Variants in PCDH9 observed in about 807,000 individuals in gnomAD.
The protein encoded by PCDH9 is protocadherin-9.
A neutral mutation model predicts 70.6 loss-of-function variants in PCDH9; 24 were observed. The observed-to-expected ratio is 0.34, with a 90% CI of 0.25 to 0.48. PCDH9 has a LOEUF of 0.48. Ranked by LOEUF, PCDH9 falls within the 20% of genes least tolerant of loss-of-function variation. PCDH9 has a pLI of 0.99. For missense variants in PCDH9, 1,281 were observed against 1,503.6 expected, an observed-to-expected ratio of 0.85 and a Z score of 2.45; for synonymous variants, 562 against 558.5, an observed-to-expected ratio of 1.01 and a Z score of -0.09.
At chr13:66,663,166 G>A (rs1030604620) in intron 3 of PCDH9, among the ~76,000 whole-genome samples, 7 of 151,994 alleles carry the variant, frequency 4.6e-5, no homozygotes, top group African/African-American at 1.7e-4. Context: ...TAATGATACT[G>A]GCTTATGATA....
chr13:66,717,724 G>A (rs1459500918), intron 3 of PCDH9, among the ~76,000 whole-genome samples: 7 of 151,622 alleles, frequency 4.6e-5, no homozygotes, highest in Non-Finnish European at 1.5e-5. Context: ...TTGTTCTTTA[G>A]TGTGATATTT....
chr13:66,836,427 G>A (rs1455554301), intron 3 of PCDH9, among the ~76,000 whole-genome samples: 1 of 151,906 alleles, frequency 6.6e-6, no homozygotes. Context: ...TGTTTGAAAT[G>A]TCTTGCTGAT....
At chr13:66,787,081 AG>A (rs1197256754) in intron 3 of PCDH9, among the ~76,000 whole-genome samples, 2 of 152,276 alleles carry the variant, frequency 1.3e-5, no homozygotes, top group Non-Finnish European at 2.9e-5. Flanking sequence ...TGAATAATTT[AG>A]GTGGGAAGTA....
At chr13:67,214,287 A>G (rs1042061450) in intron 2 of PCDH9, 1 of 152,226 alleles carries the variant, frequency 6.6e-6, no homozygotes, top group African/African-American at 2.4e-5. Flanking sequence ...TGATCCATAT[A>G]CTTTGAGGCA....
intron 4 of PCDH9, among the ~76,000 whole-genome samples, chr13:66,384,126 A>T (rs1956889935): frequency 6.6e-6 from 1 of 152,134 alleles, no homozygotes; most frequent in Non-Finnish European, 1.5e-5. Flanking sequence ...GGACATTATA[A>T]ATAGTTGATC....
chr13:66,845,375 G>A (rs1193462044), intron 3 of PCDH9, among the ~76,000 whole-genome samples: 1 of 152,194 alleles, frequency 6.6e-6, no homozygotes, highest in African/African-American at 2.4e-5. Flanking sequence ...TTGTGACAGC[G>A]CCCTGGATCA....
At chr13:66,947,054 T>C (rs1174190252) in intron 2 of PCDH9, among the ~76,000 whole-genome samples, 1 of 152,156 alleles carries the variant, frequency 6.6e-6, no homozygotes, top group Non-Finnish European at 1.5e-5. Flanking sequence ...CTTTAGTGCA[T>C]AAGATTCAGG....
At chr13:66,886,533 G>C (rs2082007111) in intron 3 of PCDH9, among the ~76,000 whole-genome samples, 2 of 152,134 alleles carry the variant, frequency 1.3e-5, no homozygotes, top group South Asian at 2.1e-4. Flanking sequence ...CCACAGCTGA[G>C]TGATTCTCTG....
At chr13:66,490,738 C>T (rs1485583137) in intron 4 of PCDH9, among the ~76,000 whole-genome samples, 1 of 151,628 alleles carries the variant, frequency 6.6e-6, no homozygotes, top group African/African-American at 2.4e-5. Flanking sequence ...AATCAAAGCA[C>T]ATAAAATTCA....
intron 2 of PCDH9, among the ~76,000 whole-genome samples, chr13:67,067,777 G>A (rs567689905): frequency 3.0e-5 from 4 of 131,746 alleles, no homozygotes; most frequent in African/African-American, 8.4e-5. Flanking sequence ...GGGGAATAGC[G>A]ATGGGGGGGG....
intron 3 of PCDH9, among the ~76,000 whole-genome samples, chr13:66,803,684 AT>A (rs2080363393): frequency 6.6e-6 from 1 of 151,640 alleles, no homozygotes; most frequent in Admixed American, 6.6e-5. Flanking sequence ...ATAATGATTC[AT>A]TTCATATGCA....
intron 3 of PCDH9, among the ~76,000 whole-genome samples, chr13:66,672,039 A>G (rs2078182238): frequency 6.6e-6 from 1 of 152,112 alleles, no homozygotes. Context: ...GTATGGGAGG[A>G]AAAAAATGGT....
chr13:66,389,396 A>C (rs1442179306), intron 4 of PCDH9, among the ~76,000 whole-genome samples: 1 of 152,198 alleles, frequency 6.6e-6, no homozygotes, highest in African/African-American at 2.4e-5. Flanking sequence ...GCATCAACAA[A>C]TATGTTCTGC....
intron 3 of PCDH9, among the ~76,000 whole-genome samples, chr13:66,701,832 G>C (rs1445213183): frequency 6.6e-6 from 1 of 152,134 alleles, no homozygotes; most frequent in Non-Finnish European, 1.5e-5. Context: ...GGTTAACTAT[G>C]TGCTCAATGC....
At chr13:67,176,600 T>C (rs1377525549) in intron 2 of PCDH9, among the ~76,000 whole-genome samples, 5 of 152,116 alleles carry the variant, frequency 3.3e-5, no homozygotes, top group Non-Finnish European at 7.4e-5. Context: ...CTACAGAGCT[T>C]CACTTTTCCT....
At chr13:66,791,919 C>CTTTGT (rs1419861233) in intron 3 of PCDH9, among the ~76,000 whole-genome samples, 1 of 152,086 alleles carries the variant, frequency 6.6e-6, no homozygotes, top group Non-Finnish European at 1.5e-5. Flanking sequence ...CACAAAAAAT[C>CTTTGT]TTTGTTTTAC....
intron 2 of PCDH9, among the ~76,000 whole-genome samples, chr13:66,914,766 T>C (rs548599303): frequency 6.6e-6 from 1 of 151,940 alleles, no homozygotes; most frequent in African/African-American, 2.4e-5. Context: ...TTCAAAGAGT[T>C]GACAGTATAT....
chr13:66,809,194 C>G (rs1325532205), intron 3 of PCDH9, among the ~76,000 whole-genome samples: 1 of 152,112 alleles, frequency 6.6e-6, no homozygotes, highest in Non-Finnish European at 1.5e-5. Context: ...GTGATCCACC[C>G]GTCTCGGCCT....
At chr13:66,404,115 T>C (rs1957237167) in intron 4 of PCDH9, among the ~76,000 whole-genome samples, 1 of 152,164 alleles carries the variant, frequency 6.6e-6, no homozygotes, top group African/African-American at 2.4e-5. Context: ...TATCTAAAAG[T>C]AGAATATCTG....
Sources: gnomAD v4.1 joint callset for allele counts (sites outside exome capture counted in the v4.1 genomes callset) on GRCh38, gnomAD v4.1.1 for gene constraint, MANE v1.5 for transcripts, NCBI Gene and HGNC (gene_info 2026-07-23, HGNC 2026-07-21) for gene names.